The following VOPP1 variants were observed in gnomAD, a reference collection of about 807,000 sequenced individuals.
VOPP1 encodes VOPP1 WW domain binding protein.
VOPP1 carries 8 observed loss-of-function variants against 23.5 expected under a neutral mutation model. The observed-to-expected ratio is 0.34, with a 90% CI of 0.20 to 0.61. VOPP1 has a LOEUF of 0.61. Ranked by LOEUF, VOPP1 falls within the 20% of genes least tolerant of loss-of-function variation. The pLI is 0.78. For synonymous variants in VOPP1, 83 were observed against 97.3 expected (o/e 0.85, Z 0.86); for missense variants, 174 against 238.1 (o/e 0.73, Z 1.77).
downstream of VOPP1, among the ~76,000 whole-genome samples, chr7:55,469,246 A>T (rs1025026200): frequency 2.0e-5 from 3 of 152,134 alleles, no homozygotes; most frequent in Non-Finnish European, 4.4e-5. Context: ...GCCTCTCCTG[A>T]GCCCTTTGAG....
At chr7:55,465,580 G>A (rs552964436) in intron 4 of VOPP1, among the ~76,000 whole-genome samples, 1 of 152,350 alleles carries the variant, frequency 6.6e-6, no homozygotes, top group South Asian at 2.1e-4. Flanking sequence ...TTCTCCCACT[G>A]TGCTTCAACT....
intron 1 of VOPP1, among the ~76,000 whole-genome samples, chr7:55,534,663 G>A (rs1021416217): frequency 6.6e-6 from 1 of 152,200 alleles, no homozygotes; most frequent in African/African-American, 2.4e-5. Context: ...GCCCACAAAA[G>A]AACACCAGCA....
intron 4 of VOPP1, among the ~76,000 whole-genome samples, chr7:55,462,899 G>A (rs1053740668): frequency 5.4e-5 from 8 of 148,268 alleles, no homozygotes; most frequent in African/African-American, 1.7e-4. Flanking sequence ...CTCGTGATCC[G>A]CCCGCCTCGG....
At position 55,472,842 on chromosome 7, in the gene VOPP1, C is replaced by A. The variant is rs751666916; in HGVS notation, c.*13G>T. On this transcript the variant is annotated 3_prime_UTR_variant, in exon 5 of 5. Coordinates refer to ENST00000285279, the MANE Select transcript of VOPP1 (RefSeq NM_030796.5). ...GCCCTCTCCTGTCTCTCCTCTTGCA[C>A]GTGGGCACCCCACTACTTGGCCTTC... 3 of 1,126,966 alleles carry A rather than the reference C, an allele frequency of 2.7e-6. No homozygotes were observed. In the South Asian group the frequency reaches 5.8e-5, roughly 22 times the overall value. The allele number at this position is 1,126,966 out of a possible 1,614,324, so 69.8% of individuals were successfully genotyped here.
At chr7:55,526,339 T>C (rs1263996951) in intron 1 of VOPP1, among the ~76,000 whole-genome samples, 1 of 152,208 alleles carries the variant, frequency 6.6e-6, no homozygotes, top group African/African-American at 2.4e-5. Context: ...CAAATATAGT[T>C]ATCCCTATTT....
chr7:55,498,395 G>A (rs997169889), intron 2 of VOPP1, among the ~76,000 whole-genome samples: 3 of 151,950 alleles, frequency 2.0e-5, no homozygotes, highest in Non-Finnish European at 4.4e-5. Context: ...GCTCTCAGGG[G>A]TGTGCTCAGA....
At chr7:55,474,481 G>A (rs911842093) in intron 4 of VOPP1, among the ~76,000 whole-genome samples, 9 of 152,180 alleles carry the variant, frequency 5.9e-5, no homozygotes, top group Admixed American at 2.0e-4. Context: ...GAGGGCTGTC[G>A]GCAATGACTG....
intron 4 of VOPP1, among the ~76,000 whole-genome samples, chr7:55,462,513 T>C (rs965296131): frequency 3.3e-5 from 5 of 152,150 alleles, no homozygotes; most frequent in African/African-American, 1.2e-4. Context: ...TGTTGTCTCA[T>C]AGGCTCTCTC....
rs111259361 is a variant in VOPP1 at position 55,502,186 on chromosome 7, A to G, written c.114-4496T>C. On this transcript the variant is annotated intron_variant, in intron 2 of 4. Transcript: ENST00000285279. ...TGGAGAGAGCAGACTACCAGCTTTC[A>G]GACATATGTAGAGCCCTCGTCCAGA... Among the ~76,000 whole-genome samples, 487 of 152,376 alleles carry G rather than the reference A, an allele frequency of 3.2e-3. 2 individuals are homozygous for G. The highest frequency in any genetic ancestry group is 0.011 in the African/African-American group (464 of 41,594).
intron 1 of VOPP1, among the ~76,000 whole-genome samples, chr7:55,549,994 T>G (rs773603007): frequency 6.6e-6 from 1 of 152,168 alleles, no homozygotes; most frequent in South Asian, 2.1e-4. Flanking sequence ...ATCCACTTCA[T>G]GAGCCAGGCC....
intron 2 of VOPP1, among the ~76,000 whole-genome samples, chr7:55,518,909 T>C (rs947893715): frequency 1.3e-5 from 2 of 152,174 alleles, no homozygotes; most frequent in African/African-American, 4.8e-5. Flanking sequence ...GCTAGAAAGT[T>C]TCGGCAATGG....
intron 2 of VOPP1, among the ~76,000 whole-genome samples, chr7:55,518,426 G>C (rs1324092336): frequency 6.6e-6 from 1 of 152,258 alleles, no homozygotes; most frequent in Admixed American, 6.5e-5. Flanking sequence ...CACTGGGCCA[G>C]GCAGCAGGGT....
intron 3 of VOPP1, among the ~76,000 whole-genome samples, chr7:55,495,770 T>C (rs1293137246): frequency 6.6e-6 from 1 of 152,234 alleles, no homozygotes; most frequent in Non-Finnish European, 1.5e-5. Context: ...AGGTGCCCTT[T>C]GTATTTCGGG....
chr7:55,529,225 C>T (rs934444419), intron 1 of VOPP1, among the ~76,000 whole-genome samples: 1 of 152,050 alleles, frequency 6.6e-6, no homozygotes, highest in East Asian at 1.9e-4. Flanking sequence ...TAAAAATGGG[C>T]GTGGTGGCGC....
chr7:55,520,047 G>C (rs147132988), intron 2 of VOPP1, among the ~76,000 whole-genome samples: 1,674 of 152,272 alleles, frequency 0.011, 11 homozygotes, highest in Middle Eastern at 0.02. Flanking sequence ...AGAATTGCTT[G>C]AACTCAGGAG....
At chr7:55,469,835 C>T (rs1412941391), downstream of VOPP1, among the ~76,000 whole-genome samples, 2 of 152,126 alleles carry the variant, frequency 1.3e-5, no homozygotes, top group Non-Finnish European at 2.9e-5. Flanking sequence ...GTTGTGATCC[C>T]CAAATGCTCT....
chr7:55,497,507 C>CCA (rs1794038197), intron 3 of VOPP1, 106 bp downstream of exon 3: 7 of 1,069,152 alleles, frequency 6.5e-6, no homozygotes, highest in Non-Finnish European at 9.9e-6. Flanking sequence ...GTCCTTGAGG[C>CCA]CACCACCCAA....
At chr7:55,436,653 T>G (rs964029336) in intron 4 of VOPP1, among the ~76,000 whole-genome samples, 12 of 140,100 alleles carry the variant, frequency 8.6e-5, no homozygotes, top group African/African-American at 1.3e-4. Context: ...TGCGTGGGTG[T>G]GTGTGCGTGT....
At chr7:55,453,779 T>C (rs1791300134) in intron 4 of VOPP1, among the ~76,000 whole-genome samples, 1 of 152,222 alleles carries the variant, frequency 6.6e-6, no homozygotes, top group Non-Finnish European at 1.5e-5. Flanking sequence ...AAAATGGCAC[T>C]GATAGACTTC....
Sources: allele counts gnomAD v4.1 joint callset (sites outside exome capture counted in the v4.1 genomes callset), GRCh38; gene constraint gnomAD v4.1.1; transcripts MANE v1.5; gene names NCBI Gene and HGNC (gene_info 2026-07-23, HGNC 2026-07-21).